The following NLRP13 variants were observed in gnomAD, a reference collection of about 807,000 sequenced individuals.
NLRP13 encodes the protein NLR family pyrin domain containing 13.
NLRP13 carries 82 observed loss-of-function variants against 94.4 expected under a neutral mutation model. The observed-to-expected ratio is 0.87, with a 90% CI of 0.73 to 1.04. The LOEUF (loss-of-function observed/expected upper bound fraction) is 1.04. Among genes scored for constraint, NLRP13 ranks in the 50% least tolerant of loss-of-function variants. The probability of loss-of-function intolerance (pLI) is 0.00; values close to 1 mark genes in which losing one functional copy is unlikely to be tolerated. For missense variants in NLRP13, 1,426 were observed against 1,230.8 expected, an observed-to-expected ratio of 1.16 and a Z score of -2.37; for synonymous variants, 553 against 464.7, an observed-to-expected ratio of 1.19 and a Z score of -2.45.
At chr19:55,923,340 G>A (rs143957685) in intron 4 of NLRP13, among the ~76,000 whole-genome samples, 1 of 152,110 alleles carries the variant, frequency 6.6e-6, no homozygotes, top group African/African-American at 2.4e-5. Flanking sequence ...GGGGGAGAGG[G>A]GGTTGCAAAG....
chr19:55,917,634 A>T (rs1463893858), intron 4 of NLRP13, among the ~76,000 whole-genome samples: 1 of 152,052 alleles, frequency 6.6e-6, no homozygotes, highest in Non-Finnish European at 1.5e-5. Flanking sequence ...CTATACTTAT[A>T]TTAGTTGAAA....
At chr19:55,910,016 C>A (rs948024394) in intron 6 of NLRP13, among the ~76,000 whole-genome samples, 1 of 152,218 alleles carries the variant, frequency 6.6e-6, no homozygotes, top group South Asian at 2.1e-4. Flanking sequence ...TGGGAGATGC[C>A]ACCCTCTTGG....
intron 1 of NLRP13, among the ~76,000 whole-genome samples, chr19:55,930,874 T>TTATATATATATATATATATA (rs372288236): frequency 1.4e-5 from 1 of 70,208 alleles, no homozygotes; most frequent in African/African-American, 7.9e-5. Context: ...GAATCAGTGA[T>TTATATATATATATATATATA]TATATATATA....
chr19:55,901,370 G>A (rs1405940462), intron 9 of NLRP13, among the ~76,000 whole-genome samples: 1 of 152,190 alleles, frequency 6.6e-6, no homozygotes, highest in Non-Finnish European at 1.5e-5. Context: ...CTAAACGTTT[G>A]AACTTTTTCT....
downstream of NLRP13, among the ~76,000 whole-genome samples, chr19:55,894,584 G>A (rs146464855): frequency 2.3e-3 from 349 of 152,148 alleles, no homozygotes; most frequent in Non-Finnish European, 3.8e-3. Flanking sequence ...CAATGGTACC[G>A]CCTCTGGCAA....
chr19:55,906,708 C>G (rs1197636996), intron 7 of NLRP13, among the ~76,000 whole-genome samples: 1 of 152,004 alleles, frequency 6.6e-6, no homozygotes, highest in Non-Finnish European at 1.5e-5. Context: ...TCACAGAGGC[C>G]CCGAGACAGA....
Position 55,921,197 on chromosome 19 carries a change from A to C in NLRP13, c.523+2717T>G, listed in dbSNP as rs531536062. ...GACTATTCAGGTGATGGCTCCACCA[A>C]AAGCTCAGACTTTACCACTACACGA... is the stretch of plus-strand genomic sequence containing the variant. On this transcript the variant is annotated intron_variant, in intron 4 of 10. Transcript: ENST00000342929. Among the ~76,000 whole-genome samples, 386 of 152,306 alleles carry C rather than the reference A, an allele frequency of 2.5e-3. 3 individuals carry two copies. The highest frequency in any genetic ancestry group is 8.8e-3 in the African/African-American group (364 of 41,576).
chr19:55,893,666 C>A (rs965837095), downstream of NLRP13, among the ~76,000 whole-genome samples: 4 of 152,098 alleles, frequency 2.6e-5, no homozygotes, highest in Non-Finnish European at 5.9e-5. Context: ...ACCTTGTGGG[C>A]AGGCCAGAGT....
intron 1 of NLRP13, among the ~76,000 whole-genome samples, chr19:55,929,459 G>A (rs891664151): frequency 2.6e-5 from 4 of 152,190 alleles, no homozygotes; most frequent in African/African-American, 9.7e-5. Context: ...AAAAGGATGA[G>A]TTCATGTCCT....
At chr19:55,922,888 C>G (rs1455428325) in intron 4 of NLRP13, among the ~76,000 whole-genome samples, 1 of 152,156 alleles carries the variant, frequency 6.6e-6, no homozygotes, top group Non-Finnish European at 1.5e-5. Context: ...CACTTATGAC[C>G]ATAGAAACAA....
intron 8 of NLRP13, among the ~76,000 whole-genome samples, chr19:55,903,324 C>T (rs1348657217): frequency 5.3e-5 from 8 of 152,040 alleles, no homozygotes; most frequent in African/African-American, 7.3e-5. Flanking sequence ...TGTGGTTCTC[C>T]GGGATAATCA....
intron 8 of NLRP13, among the ~76,000 whole-genome samples, 186 bp from the exon 9 acceptor site, chr19:55,902,391 G>A (rs988272905): frequency 3.9e-5 from 6 of 152,008 alleles, no homozygotes; most frequent in African/African-American, 1.2e-4. Context: ...ACCCTCCCTC[G>A]ATCCAGATTT....
intron 4 of NLRP13, among the ~76,000 whole-genome samples, chr19:55,921,438 C>A (rs1280388020): frequency 1.3e-5 from 2 of 152,228 alleles, no homozygotes; most frequent in Non-Finnish European, 2.9e-5. Context: ...AGGAGTCCTA[C>A]TTTAAGAATG....
chr19:55,898,850 C>G lies in NLRP13; in HGVS notation c.2877G>C (p.Leu959Phe). 6.2e-7 allele frequency: 1 copy of G among 1,614,020 alleles called. No individual in the cohort carries two copies. Among genetic ancestry groups the G allele is most frequent in the African/African-American group, 1.3e-5 (1 of 75,050 alleles). The change falls in exon 10 of 11, where the codon TTG (leucine) becomes TTC (phenylalanine). Residue 959 changes from leucine to phenylalanine, a missense_variant. By Grantham distance (22) the Leu-to-Phe change is conservative. Coordinates refer to ENST00000342929, the MANE Select transcript of NLRP13 (RefSeq NM_176810.2). ...CATCATCCTGAAGATCATTTTCTCC[C>G]AAATCCAAGATTTTCACATTATGAT... is the stretch of plus-strand genomic sequence containing the variant. ...SHNHNVKILD[L>F]GENDLQDDGV... is the part of the protein sequence containing the mutation.
chr19:55,919,567 A>G (rs1986761084), intron 4 of NLRP13, among the ~76,000 whole-genome samples: 1 of 152,048 alleles, frequency 6.6e-6, no homozygotes, highest in Non-Finnish European at 1.5e-5. Flanking sequence ...TCTATACTCC[A>G]TAATGATCAA....
At position 55,932,101 on chromosome 19, in the gene NLRP13, G is replaced by C. The variant is rs149110821; in HGVS notation, c.211C>G (p.Leu71Val). ...CCTTTTGGGAAGTGTTCATCCAAAA[G>C]AAAGGACAGATTCAAAGGGTCGGCA... is the stretch of plus-strand genomic sequence containing the variant. ...RAADPLNLSFLLDEHFPKGQA... is the reference protein window; with the variant it reads ...RAADPLNLSFVLDEHFPKGQA... The change falls in exon 1 of 11, where the codon CTT becomes GTT. Residue 71 changes from leucine to valine, a missense_variant. Leu to Val is a conservative substitution (Grantham distance 32). Transcript: ENST00000342929. 2.5e-6 allele frequency: 4 copies of C among 1,614,076 alleles called. No individual in the cohort carries two copies. Among genetic ancestry groups the C allele is most frequent in the African/African-American group, 2.7e-5 (2 of 74,936 alleles).
At chr19:55,906,754 A>AC (rs5828659) in intron 7 of NLRP13, among the ~76,000 whole-genome samples, 10 of 150,748 alleles carry the variant, frequency 6.6e-5, no homozygotes, top group South Asian at 4.3e-4. Context: ...GTGTTTACAG[A>AC]CCCCCCCCTG....
chr19:55,903,564 C>A (rs564620231), intron 8 of NLRP13, among the ~76,000 whole-genome samples: 1 of 152,114 alleles, frequency 6.6e-6, no homozygotes, highest in Non-Finnish European at 1.5e-5. Flanking sequence ...CTGCCTACAA[C>A]GGCTCACGTA....
rs749823906 is a variant in NLRP13, at chr19:55,912,701, C to T, written c.1116G>A (p.Lys372=). ...CAAAGCATGGATTCACTAATGAGGCCTTAAGATCTCTCACAAACCAGGTCT... is the reference window on the plus strand; with the variant it reads ...CAAAGCATGGATTCACTAATGAGGCTTTAAGATCTCTCACAAACCAGGTCT... ...TIKTWFVRDL[K]ASLVNPCFVQ... The change falls in exon 5 of 11, where the codon AAG becomes AAA. Residue 372 remains lysine, a synonymous_variant. Transcript: ENST00000342929. 28 of 1,614,058 alleles carry T rather than the reference C, an allele frequency of 1.7e-5. No homozygotes were observed. The highest frequency in any genetic ancestry group is 2.4e-5 in the Non-Finnish European group (28 of 1,180,042).
Sources: allele counts gnomAD v4.1 joint callset (sites outside exome capture counted in the v4.1 genomes callset), GRCh38; gene constraint gnomAD v4.1.1; transcripts MANE v1.5; gene names NCBI Gene and HGNC (gene_info 2026-07-23, HGNC 2026-07-21).